MKLN1: variants seen among roughly 807,000 people sequenced by gnomAD.
MKLN1 encodes muskelin.
In MKLN1, 18 loss-of-function variants were observed where a neutral mutation model predicts 99.0. That is an observed-to-expected ratio of 0.18 (90% CI 0.13 to 0.27). MKLN1 has a LOEUF of 0.27. Among genes scored for constraint, MKLN1 ranks in the 10% least tolerant of loss-of-function variants. The probability of loss-of-function intolerance (pLI) is 1.00; values close to 1 mark genes in which losing one functional copy is unlikely to be tolerated. For missense variants in MKLN1, 621 were observed against 875.9 expected, an observed-to-expected ratio of 0.71 and a Z score of 3.67; for synonymous variants, 288 against 293.2, an observed-to-expected ratio of 0.98 and a Z score of 0.18.
chr7:131,470,128 A>G (rs1435742908), intron 15 of MKLN1, among the ~76,000 whole-genome samples: 2 of 152,058 alleles, frequency 1.3e-5, no homozygotes, highest in Non-Finnish European at 2.9e-5. Flanking sequence ...TGACTTCCCA[A>G]AGTGTTGGGA....
intron 17 of MKLN1, among the ~76,000 whole-genome samples, chr7:131,486,877 C>G (rs772861331): frequency 6.6e-6 from 1 of 152,130 alleles, no homozygotes; most frequent in African/African-American, 2.4e-5. Flanking sequence ...TTTAGATTAA[C>G]AGTCCCTACC....
chr7:131,296,931 G>A (rs1798298851), intron 3 of MKLN1, among the ~76,000 whole-genome samples: 1 of 152,082 alleles, frequency 6.6e-6, no homozygotes, highest in African/African-American at 2.4e-5. Context: ...TAGAGATGGA[G>A]TTTCACTGTG....
chr7:131,460,502 A>G (rs1046621207), intron 12 of MKLN1, among the ~76,000 whole-genome samples: 1 of 152,260 alleles, frequency 6.6e-6, no homozygotes, highest in African/African-American at 2.4e-5. Flanking sequence ...AGTTGGGAAC[A>G]TATATGATTA....
chr7:131,490,481 G>C lies in MKLN1; in HGVS notation c.*2753G>C, dbSNP rs1797397380. 6.6e-6 allele frequency: 1 copy of C among 152,524 alleles called. No individual in the cohort carries two copies. 9.4% of individuals were successfully genotyped at this position (152,524 alleles called of 1,614,324 possible). On this transcript the variant is annotated 3_prime_UTR_variant, in exon 18 of 18. Coordinates refer to ENST00000352689, the MANE Select transcript of MKLN1 (RefSeq NM_013255.5). ...TTTGCATTTTATTTTGGTAATGGCA[G>C]AGACCTCATGTGGCCAGTTTGATTG...
At chr7:131,481,460 T>C (rs781143701) in intron 17 of MKLN1, among the ~76,000 whole-genome samples, 1 of 152,120 alleles carries the variant, frequency 6.6e-6, no homozygotes, top group African/African-American at 2.4e-5. Context: ...TCAACACTTT[T>C]GGAGGCCGAG....
At chr7:131,155,035 T>C (rs1405297779) in intron 2 of MKLN1, among the ~76,000 whole-genome samples, 2 of 152,214 alleles carry the variant, frequency 1.3e-5, no homozygotes, top group Non-Finnish European at 2.9e-5. Context: ...CAGGTAGAAC[T>C]GTGCCTTTTT....
intron 3 of MKLN1, among the ~76,000 whole-genome samples, chr7:131,247,577 C>A (rs1393260843): frequency 6.6e-6 from 1 of 152,102 alleles, no homozygotes; most frequent in African/African-American, 2.4e-5. Flanking sequence ...CCCTCAAATA[C>A]AATTATACCT....
intron 3 of MKLN1, among the ~76,000 whole-genome samples, chr7:131,300,755 A>G (rs1385778558): frequency 6.6e-6 from 1 of 151,446 alleles, no homozygotes; most frequent in Non-Finnish European, 1.5e-5. Flanking sequence ...CATTCATACC[A>G]CCATCACCTG....
At chr7:131,464,172 A>C (rs1266003670) in intron 13 of MKLN1, 122 bp from the exon 14 acceptor site, 4 of 516,672 alleles carry the variant, frequency 7.7e-6, no homozygotes, top group Non-Finnish European at 1.4e-5. Context: ...ACTTTAAGAT[A>C]CGATGTGAAC....
chr7:131,235,326 G>GGA (rs5887502), intron 3 of MKLN1, among the ~76,000 whole-genome samples: 26 of 148,020 alleles, frequency 1.8e-4, no homozygotes, highest in South Asian at 8.6e-4. Context: ...AGAGAGAGAG[G>GGA]GAGAGAGAGA....
intron 1 of MKLN1, among the ~76,000 whole-genome samples, chr7:131,372,587 A>G (rs1793497720): frequency 2.0e-5 from 3 of 152,070 alleles, no homozygotes; most frequent in South Asian, 4.1e-4. Flanking sequence ...ATTAAAGTCA[A>G]GCTGTAGAAT....
chr7:131,410,198 TA>T (rs1023700206), intron 6 of MKLN1, among the ~76,000 whole-genome samples: 2 of 152,140 alleles, frequency 1.3e-5, no homozygotes, highest in Non-Finnish European at 2.9e-5. Flanking sequence ...TGTAACAACT[TA>T]AGTAGATTAT....
chr7:131,191,940 G>C (rs1022899193), intron 2 of MKLN1, among the ~76,000 whole-genome samples: 11 of 148,104 alleles, frequency 7.4e-5, no homozygotes, highest in Non-Finnish European at 1.5e-4. Flanking sequence ...GGGTGGTCTT[G>C]AACTCCTAAG....
At chr7:131,357,796 T>C (rs1373664051) in intron 1 of MKLN1, among the ~76,000 whole-genome samples, 1 of 152,184 alleles carries the variant, frequency 6.6e-6, no homozygotes, top group East Asian at 1.9e-4. Context: ...CTTGTTTATT[T>C]TCTGCCCCAT....
At chr7:131,328,032 C>G in intron 1 of MKLN1, 35 bp downstream of exon 1, 2 of 1,608,732 alleles carry the variant, frequency 1.2e-6, no homozygotes, top group Non-Finnish European at 1.7e-6. Flanking sequence ...GCTGCCCCAC[C>G]CTTCCGCGTC....
At chr7:131,486,236 AAAAG>A (rs765494634) in intron 17 of MKLN1, among the ~76,000 whole-genome samples, 27 of 145,102 alleles carry the variant, frequency 1.9e-4, no homozygotes, top group East Asian at 6.1e-4. Flanking sequence ...AAAAAGTTGA[AAAAG>A]AAGCAATTTG....
At chr7:131,286,733 T>C (rs1365397208) in intron 3 of MKLN1, among the ~76,000 whole-genome samples, 1 of 152,208 alleles carries the variant, frequency 6.6e-6, no homozygotes, top group East Asian at 1.9e-4. Context: ...ATAATCTTAT[T>C]TGGATAAAAC....
intron 3 of MKLN1, among the ~76,000 whole-genome samples, chr7:131,235,481 G>A (rs773569674): frequency 5.3e-5 from 8 of 152,070 alleles, no homozygotes; most frequent in South Asian, 2.1e-4. Context: ...GTTCAAAAGC[G>A]GCTGTCACCT....
intron 3 of MKLN1, among the ~76,000 whole-genome samples, chr7:131,299,744 A>G (rs1184268316): frequency 6.6e-6 from 1 of 152,224 alleles, no homozygotes; most frequent in Non-Finnish European, 1.5e-5. Context: ...GGATTCATCA[A>G]ATGAATCTTT....
Sources: gnomAD v4.1 joint callset for allele counts (sites outside exome capture counted in the v4.1 genomes callset) on GRCh38, gnomAD v4.1.1 for gene constraint, MANE v1.5 for transcripts, NCBI Gene and HGNC (gene_info 2026-07-23, HGNC 2026-07-21) for gene names.